The following SOS1 variants were observed in gnomAD, a reference collection of about 807,000 sequenced individuals.
The protein encoded by SOS1 is SOS Ras/Rac guanine nucleotide exchange factor 1, also known as son of sevenless homolog 1.
A neutral mutation model predicts 157.6 loss-of-function variants in SOS1; 25 were observed. The observed-to-expected ratio is 0.16, with a 90% CI of 0.12 to 0.22. SOS1 has a LOEUF of 0.22. Ranked by LOEUF, SOS1 falls within the 10% of genes least tolerant of loss-of-function variation. The pLI, the probability that SOS1 is intolerant of heterozygous loss-of-function variation, is 1.00. For missense variants in SOS1, 1,237 were observed against 1,599.1 expected (o/e 0.77, Z 3.86); for synonymous variants, 528 against 534.0 (o/e 0.99, Z 0.16).
chr2:39,058,707 G>A lies in SOS1; in HGVS notation c.311C>T (p.Ser104Phe), dbSNP rs752017140. 2 of 1,612,748 alleles carry A rather than the reference G, an allele frequency of 1.2e-6. No homozygotes were observed. Among genetic ancestry groups the A allele is most frequent in the Non-Finnish European group, 1.7e-6 (2 of 1,179,134 alleles). ...IEKRKRRNPL[S>F]LPVEKIHPLL... ...AGGATGAATTTTTTCTACTGGGAGA[G>A]ATAAAGGGTTTCTTCGCTTCCTCTT... Residue 104 changes from serine to phenylalanine, a missense_variant, in exon 3 of 23, where the codon TCT becomes TTT. Around this residue, in one of 15 missense-constraint regions of SOS1, gnomAD observed 37 missense variants for 38.5 expected, o/e 0.96. Transcript: ENST00000402219.
intron 1 of SOS1, among the ~76,000 whole-genome samples, chr2:39,087,875 A>G (rs1188019234): frequency 6.6e-6 from 1 of 151,878 alleles, no homozygotes; most frequent in African/African-American, 2.4e-5. Context: ...GATGGGGCTT[A>G]GCCACATTGC....
intron 20 of SOS1, chr2:38,993,574 T>A (rs1668797594): frequency 6.6e-6 from 1 of 152,188 alleles, no homozygotes; most frequent in African/African-American, 2.4e-5. Context: ...AATAATATAC[T>A]ACCAAAGAAT....
chr2:39,037,919 A>G (rs1191075670), intron 6 of SOS1, among the ~76,000 whole-genome samples: 1 of 142,778 alleles, frequency 7.0e-6, no homozygotes, highest in African/African-American at 2.9e-5. Flanking sequence ...AACAGCTCAG[A>G]AAAAAAAAAA....
Position 39,063,662 on chromosome 2 carries a change from T to C in SOS1, c.213+3966A>G, listed in dbSNP as rs186618699. ...TACCATCAGCAAAACATGTATGCAA[T>C]CTATCTGTTTTCAAGTACTTTTGAA... On this transcript the variant is annotated intron_variant, in intron 2 of 22. Coordinates refer to ENST00000402219, the MANE Select transcript of SOS1 (RefSeq NM_005633.4). Among the ~76,000 whole-genome samples the C allele has an allele frequency of 3.2e-4, 49 of 152,324 alleles. 1 individual carries two copies. The highest frequency in any genetic ancestry group is 1.4e-3 in the Admixed American group (22 of 15,300).
Position 39,105,861 on chromosome 2 carries a change from T to C in SOS1, c.87+14475A>G, listed in dbSNP as rs376816695. Among the ~76,000 whole-genome samples, 4 of 151,764 alleles carry C rather than the reference T, an allele frequency of 2.6e-5. No homozygotes were observed. In the South Asian group the frequency reaches 6.2e-4, roughly 24 times the overall value. ...GTTGCAGTGAGCCGAGATCGCACCA[T>C]TGCACTTCAGCCTGGGCGACAGGGT... On this transcript the variant is annotated intron_variant, in intron 1 of 22. Transcript: ENST00000402219.
chr2:39,042,858 G>A (rs1257889111), intron 6 of SOS1, among the ~76,000 whole-genome samples: 3 of 151,762 alleles, frequency 2.0e-5, no homozygotes, highest in Admixed American at 6.6e-5. Context: ...GCACAGTAAT[G>A]CTACCAATTT....
intron 2 of SOS1, among the ~76,000 whole-genome samples, chr2:39,063,241 G>A (rs960199754): frequency 2.0e-5 from 3 of 151,880 alleles, no homozygotes; most frequent in South Asian, 2.1e-4. Context: ...TCCCACCTCA[G>A]CCTCCTAAGT....
chr2:39,067,667 C>T lies in SOS1; in HGVS notation c.174G>A (p.Met58Ile). ...CACTTCGGGGCTGAGCTTGGCATAG[C>T]ATATTTAATAATTGCAAAATTAATT... ...VEELILQLLN[M>I]LCQAQPRSAS... The change falls in exon 2 of 23, where the codon ATG becomes ATA. Residue 58 changes from methionine (M) to isoleucine (I), a missense_variant. Transcript: ENST00000402219. 1 of 1,613,174 alleles carries T rather than the reference C, an allele frequency of 6.2e-7. No individual in the cohort carries two copies. The highest frequency in any genetic ancestry group is 8.5e-7 in the Non-Finnish European group (1 of 1,179,152).
At chr2:38,987,227 T>C (rs954322233) in intron 22 of SOS1, among the ~76,000 whole-genome samples, 1 of 152,178 alleles carries the variant, frequency 6.6e-6, no homozygotes, top group African/African-American at 2.4e-5. Context: ...AGATTAAAAC[T>C]TTTGTTTTTT....
chr2:39,085,002 G>A (rs552243740), intron 1 of SOS1, among the ~76,000 whole-genome samples: 13 of 151,984 alleles, frequency 8.6e-5, no homozygotes, highest in Non-Finnish European at 1.5e-4. Context: ...AATTCCCAGT[G>A]TTTTCTCTGC....
Position 38,984,463 on chromosome 2 carries a change from C to T in SOS1, c.*1361G>A, listed in dbSNP as rs1668492826. 1 of 151,530 alleles carries T rather than the reference C, an allele frequency of 6.6e-6. No homozygotes were observed. Among genetic ancestry groups the T allele is most frequent in the Non-Finnish European group, 1.5e-5 (1 of 68,018 alleles). The allele number at this position is 151,530 out of a possible 1,614,324, so 9.4% of individuals were successfully genotyped here. A position where few individuals can be genotyped will look rare whatever the true frequency, so the allele number is the denominator to read the frequency against. On this transcript the variant is annotated 3_prime_UTR_variant, in exon 23 of 23. Coordinates refer to ENST00000402219, the MANE Select transcript of SOS1 (RefSeq NM_005633.4). ...GTAGAATGTTCAATATAAACCTTAA[C>T]AAACTGTATACTTGTTGCTTAGGAA...
intron 1 of SOS1, among the ~76,000 whole-genome samples, chr2:39,101,150 G>T (rs921248411): frequency 2.0e-5 from 3 of 152,252 alleles, no homozygotes; most frequent in East Asian, 3.9e-4. Context: ...AGAGCCAAAG[G>T]GGGAGCAAAT....
Position 39,014,803 on chromosome 2 carries a change from A to G in SOS1, c.1902T>C (p.Phe634=). 2 of 1,601,722 alleles carry G rather than the reference A, an allele frequency of 1.2e-6. No homozygotes were observed. Among genetic ancestry groups the G allele is most frequent in the Non-Finnish European group, 1.7e-6 (2 of 1,169,344 alleles). Residue 634 remains phenylalanine, a synonymous_variant, in exon 11 of 23, where the codon TTT becomes TTC. Coordinates refer to ENST00000402219, the MANE Select transcript of SOS1 (RefSeq NM_005633.4). ...VRTFLTTYRS[F]CKPQELLSLI... ...GACTCAGTAGTTCTTGAGGTTTGCA[A>G]AAGGATCTGTATGTTGTAAGAAATG...
rs1218036700 is a variant in SOS1, at chr2:39,054,722, C to T, written c.612G>A (p.Leu204=). The change falls in exon 5 of 23, where the codon TTG becomes TTA. Residue 204 remains leucine, a synonymous_variant. Transcript: ENST00000402219. ...GAATTTCTGCCATAAATGCTTTTAC[C>T]AAATCATAGTAAGTTTGTTCTCCTG... ...STSGEQTYYD[L]VKAFMAEIRQ... 1.3e-6 allele frequency: 2 copies of T among 1,594,438 alleles called. No individual in the cohort carries two copies. The highest frequency in any genetic ancestry group is 1.7e-6 in the Non-Finnish European group (2 of 1,162,282).
At chr2:39,017,055 T>C (rs1669653716) in intron 10 of SOS1, among the ~76,000 whole-genome samples, 1 of 152,090 alleles carries the variant, frequency 6.6e-6, no homozygotes, top group Non-Finnish European at 1.5e-5. Flanking sequence ...TGGTCTATTA[T>C]GTAACATTCT....
At position 38,985,666 on chromosome 2, in the gene SOS1, C is replaced by A; in HGVS notation, c.*158G>T. 1 of 849,550 alleles carries A rather than the reference C, an allele frequency of 1.2e-6. No homozygotes were observed. Among genetic ancestry groups the A allele is most frequent in the Non-Finnish European group, 1.9e-6 (1 of 514,446 alleles). The allele number at this position is 849,550 out of a possible 1,614,324, so 52.6% of individuals were successfully genotyped here. Reference sequence around the variant, plus strand: ...GAATACCATTTCCATTGTATAATTACATCTAGGTTAAAATTCATTGTCTTA... The same window carrying A: ...GAATACCATTTCCATTGTATAATTAAATCTAGGTTAAAATTCATTGTCTTA... On this transcript the variant is annotated 3_prime_UTR_variant, in exon 23 of 23. Transcript: ENST00000402219.
intron 5 of SOS1, among the ~76,000 whole-genome samples, chr2:39,052,821 C>G (rs1671066855): frequency 6.6e-6 from 1 of 152,074 alleles, no homozygotes; most frequent in Non-Finnish European, 1.5e-5. Context: ...AGTAGAATTG[C>G]TGGGCAATAT....
chr2:39,102,353 TC>T (rs1194846350), intron 1 of SOS1, among the ~76,000 whole-genome samples: 2 of 149,792 alleles, frequency 1.3e-5, no homozygotes, highest in Admixed American at 1.3e-4. Context: ...TGAGAGTTCA[TC>T]TTTACCAAAG....
intron 19 of SOS1, 94 bp downstream of exon 19, chr2:38,996,828 T>C: frequency 1.3e-6 from 1 of 759,220 alleles, no homozygotes. Context: ...CTTTTAACTA[T>C]CACATGTATA....
Sources: allele counts gnomAD v4.1 joint callset (sites outside exome capture counted in the v4.1 genomes callset), GRCh38; gene constraint gnomAD v4.1.1; regional missense constraint gnomAD v4.1.1; transcripts MANE v1.5; gene names NCBI Gene and HGNC (gene_info 2026-07-23, HGNC 2026-07-21).